DHX15: variants seen among roughly 807,000 people sequenced by gnomAD.
DHX15 encodes ATP-dependent RNA helicase DHX15.
DHX15 carries 11 observed loss-of-function variants against 94.4 expected under a neutral mutation model. That is an observed-to-expected ratio of 0.12 (90% CI 0.07 to 0.19). The LOEUF (loss-of-function observed/expected upper bound fraction) is 0.19. Among genes scored for constraint, DHX15 ranks in the 10% least tolerant of loss-of-function variants. The probability of loss-of-function intolerance (pLI) is 1.00; values close to 1 mark genes in which losing one functional copy is unlikely to be tolerated. For synonymous variants in DHX15, 338 were observed against 329.9 expected (o/e 1.02, Z -0.27); for missense variants, 304 against 988.5 (o/e 0.31, Z 9.29).
At chr4:24,546,345 T>C (rs1372124142) in intron 6 of DHX15, among the ~76,000 whole-genome samples, 3 of 152,176 alleles carry the variant, frequency 2.0e-5, no homozygotes, top group African/African-American at 4.8e-5. Flanking sequence ...GGATCAACTA[T>C]AGAAAAGTCA....
chr4:24,576,127 T>C (rs749104693), intron 2 of DHX15, 116 bp downstream of exon 2: 18 of 771,308 alleles, frequency 2.3e-5, no homozygotes, highest in Non-Finnish European at 3.1e-5. Context: ...TCAAATCAGC[T>C]ATTCTTCAAG....
chr4:24,581,844 GA>G (rs1241464746), intron 1 of DHX15, among the ~76,000 whole-genome samples: 12 of 152,110 alleles, frequency 7.9e-5, no homozygotes, highest in African/African-American at 2.9e-4. Context: ...ACAAAAAGAA[GA>G]AATGAGGCCA....
chr4:24,574,431 AT>A (rs1722198012), intron 2 of DHX15, among the ~76,000 whole-genome samples: 2 of 152,058 alleles, frequency 1.3e-5, no homozygotes, highest in South Asian at 4.2e-4. Context: ...AAGTATCTTA[AT>A]TACCCCTCTA....
intron 11 of DHX15, chr4:24,533,368 A>G (rs1049613063): frequency 2.6e-6 from 1 of 380,384 alleles, no homozygotes; most frequent in African/African-American, 2.0e-5. Context: ...CTATCAGATA[A>G]GGGAAGGCTG....
chr4:24,533,890 G>T (rs961525111), intron 11 of DHX15: 1 of 152,178 alleles, frequency 6.6e-6, no homozygotes, highest in Non-Finnish European at 1.5e-5. Context: ...AATTAAAACT[G>T]TTGATCCTTC....
At chr4:24,576,215 A>T (rs760457453) in intron 2 of DHX15, 28 bp downstream of exon 2, 1 of 1,556,032 alleles carries the variant, frequency 6.4e-7, no homozygotes, top group Non-Finnish European at 8.8e-7. Context: ...CATAAATGAA[A>T]TATGTACCAT....
rs140807552 is a variant in DHX15, at chr4:24,548,535, C to T, written c.1248+320G>A. Among the ~76,000 whole-genome samples, 19 of 152,264 alleles carry T rather than the reference C, an allele frequency of 1.2e-4. No individual in the cohort carries two copies. The East Asian group carries it at 3.5e-3, about 28-fold the overall frequency. ...GGGAAGCCTTAAACAAAATTATGGG[C>T]AGAAGGCCAAGGCACCAAAGAAAAA... On this transcript the variant is annotated intron_variant, in intron 6 of 13. Transcript: ENST00000336812.
intron 3 of DHX15, among the ~76,000 whole-genome samples, chr4:24,568,970 A>C (rs1196241496): frequency 6.6e-6 from 1 of 152,240 alleles, no homozygotes; most frequent in Non-Finnish European, 1.5e-5. Context: ...AAGCTTATTT[A>C]AATATTTTAA....
intron 13 of DHX15, 104 bp downstream of exon 13, chr4:24,529,497 T>C: frequency 6.2e-6 from 6 of 969,968 alleles, no homozygotes; most frequent in Non-Finnish European, 6.3e-6. Context: ...CACTGAAATA[T>C]AAATTCTCAA....
intron 12 of DHX15, chr4:24,530,493 CCT>C (rs1721055417): frequency 6.6e-6 from 1 of 152,276 alleles, no homozygotes; most frequent in Non-Finnish European, 1.5e-5. Flanking sequence ...AGGAGAATTG[CCT>C]GAACCCAGGA....
At chr4:24,581,021 A>C (rs1722400010) in intron 1 of DHX15, 1 of 150,524 alleles carries the variant, frequency 6.6e-6, no homozygotes, top group Non-Finnish European at 1.5e-5. Context: ...CAGTCAATCT[A>C]TTTATTTTTT....
At chr4:24,542,056 T>C in intron 7 of DHX15, 34 bp from the exon 8 acceptor site, 1 of 1,542,828 alleles carries the variant, frequency 6.5e-7, no homozygotes, top group Non-Finnish European at 8.8e-7. Flanking sequence ...GAGTCTTTCT[T>C]CAGTCAAACA....
In DHX15 at chr4:24,537,753, G is replaced by T. The variant is rs1296670181; in HGVS notation, c.1787-580C>A. 6.6e-6 allele frequency: 1 copy of T among 152,074 alleles called. No homozygotes were observed. Among genetic ancestry groups the T allele is most frequent in the Non-Finnish European group, 1.5e-5 (1 of 68,014 alleles). 9.4% of individuals were successfully genotyped at this position (152,074 alleles called of 1,614,324 possible). ...GCATATGTAAACATAAAAATATCAA[G>T]AATTCTTGGGTTTGGATGATAGCAG... On this transcript the variant is annotated intron_variant, in intron 10 of 13. Transcript: ENST00000336812. This position sits in a 1 kb window ranked among gnomAD's most constrained non-coding sequence, Gnocchi z 4.7.
At chr4:24,549,142 G>T in intron 5 of DHX15, 120 bp from the exon 6 acceptor site, 1 of 766,902 alleles carries the variant, frequency 1.3e-6, no homozygotes, top group East Asian at 2.9e-5. Context: ...TGGATACCCT[G>T]TTTTCAATTT....
chr4:24,552,522 T>C (rs1363474690), intron 5 of DHX15, among the ~76,000 whole-genome samples: 1 of 152,214 alleles, frequency 6.6e-6, no homozygotes, highest in Non-Finnish European at 1.5e-5. Context: ...TTTTAAATTT[T>C]TATGAGATTA....
chr4:24,531,372 G>A (rs1239558081), intron 12 of DHX15, among the ~76,000 whole-genome samples: 2 of 152,136 alleles, frequency 1.3e-5, no homozygotes, highest in Non-Finnish European at 2.9e-5. Flanking sequence ...ACAGGCGTGA[G>A]CCACAGCGCC....
intron 5 of DHX15, among the ~76,000 whole-genome samples, chr4:24,553,728 T>C (rs1721661010): frequency 6.6e-6 from 1 of 150,384 alleles, no homozygotes; most frequent in African/African-American, 2.4e-5. Flanking sequence ...AGTGAGCCGA[T>C]AATCATGCCA....
In DHX15 at chr4:24,570,903, T is replaced by C. The variant is rs1577349119; in HGVS notation, c.508-56A>G. The C allele has an allele frequency of 4.5e-6, 7 of 1,554,212 alleles. No individual in the cohort carries two copies. The Admixed American group carries it at 5.4e-5, about 12-fold the overall frequency. On this transcript the variant is annotated intron_variant, in intron 2 of 13. Transcript: ENST00000336812. ...CTATTCTGCCTGCATATCAAGTATA[T>C]GTAACATAAAGCACTTTATCTCATT...
intron 11 of DHX15, among the ~76,000 whole-genome samples, chr4:24,535,353 TCTGA>T (rs1330348968): frequency 6.6e-6 from 1 of 152,214 alleles, no homozygotes; most frequent in African/African-American, 2.4e-5. Context: ...CTACATCCCC[TCTGA>T]CTGAATCTGT....
Sources: gnomAD v4.1 joint callset for allele counts (sites outside exome capture counted in the v4.1 genomes callset) on GRCh38, gnomAD v4.1.1 for gene constraint, Gnocchi (gnomAD v3.1) non-coding constraint, MANE v1.5 for transcripts, NCBI Gene and HGNC (gene_info 2026-07-23, HGNC 2026-07-21) for gene names.